ZNF253: variants seen among roughly 807,000 people sequenced by gnomAD.
The protein encoded by ZNF253 is zinc finger protein 253.
Under a neutral mutation model 11.9 loss-of-function variants are expected in ZNF253, and 8 were observed. The ratio of observed to expected loss-of-function variants is 0.67; its 90% CI spans 0.40 to 1.22. The LOEUF is 1.22. ZNF253 is among the 50% of genes most tolerant of loss of function. ZNF253 has a pLI of 0.01. For missense variants in ZNF253, 485 were observed against 586.9 expected, an observed-to-expected ratio of 0.83 and a Z score of 1.79; for synonymous variants, 194 against 194.9, an observed-to-expected ratio of 1.00 and a Z score of 0.04.
chr19:19,883,388 G>T (rs1002707087), intron 3 of ZNF253, among the ~76,000 whole-genome samples: 1 of 152,102 alleles, frequency 6.6e-6, no homozygotes, highest in African/African-American at 2.4e-5. Context: ...AAGGCAGGAG[G>T]ATCCCTGGAG....
intron 1 of ZNF253, among the ~76,000 whole-genome samples, chr19:19,866,722 T>A (rs914511255): frequency 6.6e-6 from 1 of 152,104 alleles, no homozygotes; most frequent in Admixed American, 6.5e-5. Context: ...GGTTTTGAAC[T>A]CCCGAACTCA....
At position 19,894,167 on chromosome 19, in the gene ZNF253, T is replaced by G. The variant is rs1334353015; in HGVS notation, c.*1420T>G. The G allele has an allele frequency of 6.6e-6, 1 of 152,234 alleles. No homozygotes were observed. The highest frequency in any genetic ancestry group is 1.5e-5 in the Non-Finnish European group (1 of 68,038). The allele number at this position is 152,234 out of a possible 1,614,324, so 9.4% of individuals were successfully genotyped here. ...CTAATCCACAGCTACAGCTGTTAGA[T>G]AAATTATTTCTATATAATTTTTTAA... On this transcript the variant is annotated 3_prime_UTR_variant, in exon 4 of 4. Transcript: ENST00000589717.
Position 19,878,546 on chromosome 19 carries a change from T to A in ZNF253, c.69T>A (p.Thr23=). The A allele has an allele frequency of 6.2e-7, 1 of 1,614,070 alleles. No homozygotes were observed. The highest frequency in any genetic ancestry group is 8.5e-7 in the Non-Finnish European group (1 of 1,179,980). Reference sequence around the variant, plus strand: ...TGGAGGAGTGGCATTGCCTGGACACTGCACAGCGGAATTTATATAGGGATG... The same window carrying A: ...TGGAGGAGTGGCATTGCCTGGACACAGCACAGCGGAATTTATATAGGGATG... ...FSLEEWHCLD[T]AQRNLYRDVM... The change falls in exon 2 of 4, where the codon ACT becomes ACA. Residue 23 remains threonine, a synonymous_variant. Transcript: ENST00000589717.
chr19:19,892,129 G>A lies in ZNF253; in HGVS notation c.882G>A (p.Lys294=), dbSNP rs775376585. Residue 294 remains lysine (K), a synonymous_variant, in exon 4 of 4, where the codon AAG becomes AAA. Transcript: ENST00000589717. The part of the protein sequence containing the change: ...YKCEECGKAF[K]HPSHVTTHKK... ...GTGAAGAATGTGGCAAAGCCTTTAA[G>A]CACCCCTCACACGTTACCACACATA... is the stretch of plus-strand genomic sequence containing the variant. 8.1e-6 allele frequency: 13 copies of A among 1,604,216 alleles called. No individual in the cohort carries two copies. Among genetic ancestry groups the A allele is most frequent in the Non-Finnish European group, 1.1e-5 (13 of 1,176,792 alleles).
chr19:19,878,207 TA>T (rs1175297081), intron 1 of ZNF253, among the ~76,000 whole-genome samples: 1 of 152,226 alleles, frequency 6.6e-6, no homozygotes, highest in Non-Finnish European at 1.5e-5. Flanking sequence ...AATATAGCAC[TA>T]AAAAATGTTC....
At chr19:19,874,600 T>C (rs2063147035) in intron 1 of ZNF253, among the ~76,000 whole-genome samples, 1 of 151,424 alleles carries the variant, frequency 6.6e-6, no homozygotes, top group Non-Finnish European at 1.5e-5. Flanking sequence ...GACAGGGCGG[T>C]GGCTAGAAAA....
At position 19,868,877 on chromosome 19, in the gene ZNF253, T is replaced by C. The variant is rs188329487; in HGVS notation, c.3+2878T>C. On this transcript the variant is annotated intron_variant, in intron 1 of 3. Coordinates refer to ENST00000589717, the MANE Select transcript of ZNF253 (RefSeq NM_021047.3). ...AAAAATATTTTGATATTCTCTCTTT[T>C]CTTAAGGAATTTAGGTTATATGTAG... Among the ~76,000 whole-genome samples the C allele has an allele frequency of 2.0e-3, 307 of 152,278 alleles. 1 individual carries two copies. The highest frequency in any genetic ancestry group is 7.2e-3 in the African/African-American group (298 of 41,522).
In ZNF253 at chr19:19,892,429, A is replaced by G. The variant is rs757876924; in HGVS notation, c.1182A>G (p.Lys394=). ...ATGAGAAAATTCATACTGGAGAGAA[A>G]CCCTACAAATGTGATGAATGTGGCA... is the stretch of plus-strand genomic sequence containing the variant. ...FSHEKIHTGE[K]PYKCDECGKT... is the part of the protein sequence containing the mutation. The change falls in exon 4 of 4, where the codon AAA becomes AAG. Residue 394 remains lysine (K), a synonymous_variant. Coordinates refer to ENST00000589717, the MANE Select transcript of ZNF253 (RefSeq NM_021047.3). 14 of 1,614,064 alleles carry G rather than the reference A, an allele frequency of 8.7e-6. No individual in the cohort carries two copies. Among genetic ancestry groups the G allele is most frequent in the East Asian group, 4.5e-5 (2 of 44,862 alleles).
chr19:19,875,131 CAG>C (rs896902374), intron 1 of ZNF253, among the ~76,000 whole-genome samples: 5 of 151,872 alleles, frequency 3.3e-5, no homozygotes, highest in Non-Finnish European at 7.4e-5. Context: ...CAGAAGAGAT[CAG>C]AGTTTTGGCT....
At chr19:19,885,778 A>G (rs2063204331) in intron 3 of ZNF253, among the ~76,000 whole-genome samples, 1 of 152,188 alleles carries the variant, frequency 6.6e-6, no homozygotes. Flanking sequence ...CAAGGAAATA[A>G]TCCAACTTTA....
intron 3 of ZNF253, among the ~76,000 whole-genome samples, chr19:19,885,277 TTC>T (rs1322168120): frequency 3.6e-5 from 2 of 55,666 alleles, no homozygotes; most frequent in Non-Finnish European, 5.7e-5. Flanking sequence ...CTTTCTTTCT[TTC>T]TTTCTTTCTT....
Position 19,892,021 on chromosome 19 carries a change from T to C in ZNF253, c.774T>C (p.Cys258=). Residue 258 remains cysteine (C), a synonymous_variant, in exon 4 of 4, where the codon TGT becomes TGC. Coordinates refer to ENST00000589717, the MANE Select transcript of ZNF253 (RefSeq NM_021047.3). ...ATACTGGAGAGAAACCCTACAAATG[T>C]GAAGAATGTGGCAAAGCCTTCAACC... is the stretch of plus-strand genomic sequence containing the variant. ...KIHTGEKPYK[C]EECGKAFNRS... is the part of the protein sequence containing the mutation. 1.2e-6 allele frequency: 2 copies of C among 1,613,778 alleles called. No individual in the cohort carries two copies. The highest frequency in any genetic ancestry group is 2.2e-5 in the South Asian group (2 of 91,072).
chr19:19,883,816 G>A (rs1236658416), intron 3 of ZNF253, among the ~76,000 whole-genome samples: 1 of 152,026 alleles, frequency 6.6e-6, no homozygotes, highest in African/African-American at 2.4e-5. Flanking sequence ...ATCACTTTGG[G>A]AGGCTGAGGC....
At position 19,893,048 on chromosome 19, in the gene ZNF253, G is replaced by A. The variant is rs377726196; in HGVS notation, c.*301G>A. The A allele has an allele frequency of 3.2e-5, 9 of 283,260 alleles. No homozygotes were observed. Among genetic ancestry groups the A allele is most frequent in the Admixed American group, 1.4e-4 (3 of 21,042 alleles). The allele number at this position is 283,260 out of a possible 1,614,324, so 17.5% of individuals were successfully genotyped here. On this transcript the variant is annotated 3_prime_UTR_variant, in exon 4 of 4. Transcript: ENST00000589717. The stretch of plus-strand genomic sequence containing the variant: ...GCTGGAGTGCAATGACATGATCTCC[G>A]TTCACTGCAATCTCTGCCTCCTGGG...
chr19:19,873,698 TA>T (rs1489652107), intron 1 of ZNF253, among the ~76,000 whole-genome samples: 1 of 151,832 alleles, frequency 6.6e-6, no homozygotes, highest in African/African-American at 2.4e-5. Context: ...ATATAACCAT[TA>T]AAAAAAATGA....
intron 3 of ZNF253, among the ~76,000 whole-genome samples, chr19:19,884,878 T>C (rs1452809838): frequency 6.6e-6 from 1 of 152,206 alleles, no homozygotes. Flanking sequence ...TTTTTTCATT[T>C]CTCTACAAAT....
At chr19:19,880,243 T>C (rs1429007391) in intron 3 of ZNF253, 97 bp downstream of exon 3, 1 of 923,126 alleles carries the variant, frequency 1.1e-6, no homozygotes, top group Admixed American at 2.7e-5. Context: ...CTGGAAGCTG[T>C]GTTCCAAAGG....
intron 1 of ZNF253, among the ~76,000 whole-genome samples, chr19:19,868,302 C>A (rs1281862130): frequency 6.6e-6 from 1 of 152,100 alleles, no homozygotes; most frequent in East Asian, 1.9e-4. Context: ...CCTAGGTTAT[C>A]TTGCAAGGTT....
chr19:19,888,300 GT>G lies in ZNF253; in HGVS notation c.227-3173del, dbSNP rs1420383332. On this transcript the variant is annotated intron_variant, in intron 3 of 3. Transcript: ENST00000589717. ...GCTGGTCTTGGACTCCTGACCTCCA[GT>G]GATTCACCCGCCTTGGTCTCCCAAT... Among the ~76,000 whole-genome samples, 3 of 152,290 alleles carry G rather than the reference GT, an allele frequency of 2.0e-5. No homozygotes were observed. In the East Asian group the frequency reaches 5.8e-4, roughly 29 times the overall value.
Sources: allele counts gnomAD v4.1 joint callset (sites outside exome capture counted in the v4.1 genomes callset), GRCh38; gene constraint gnomAD v4.1.1; transcripts MANE v1.5; gene names NCBI Gene and HGNC (gene_info 2026-07-23, HGNC 2026-07-21).